RYR2: variants seen among roughly 807,000 people sequenced by gnomAD.
RYR2 encodes ryanodine receptor 2, also known as cardiac muscle ryanodine receptor-calcium release channel.
RYR2 carries 227 observed loss-of-function variants against 601.1 expected under a neutral mutation model. The ratio of observed to expected loss-of-function variants is 0.38; its 90% confidence interval spans 0.34 to 0.42. The LOEUF is 0.42. Ranked by LOEUF, RYR2 falls within the 10% of genes least tolerant of loss-of-function variation. The pLI, the probability that RYR2 is intolerant of heterozygous loss-of-function variation, is 1.00. For synonymous variants in RYR2, 2,223 were observed against 2,175.1 expected (o/e 1.02, Z -0.61); for missense variants, 4,646 against 6,156.5 (o/e 0.75, Z 8.21).
intron 3 of RYR2, among the ~76,000 whole-genome samples, chr1:237,350,350 C>T (rs554298152): frequency 6.6e-6 from 1 of 151,126 alleles, no homozygotes; most frequent in East Asian, 1.9e-4. Flanking sequence ...TGAGTGGATC[C>T]CTTGAGGTCA....
chr1:237,747,739 T>A (rs571270112), intron 80 of RYR2, among the ~76,000 whole-genome samples: 1 of 152,312 alleles, frequency 6.6e-6, no homozygotes, highest in African/African-American at 2.4e-5. Context: ...TTAAAAAGTC[T>A]TCCTGAATCT....
chr1:237,087,050 GAAAGCAATTC>G (rs1357981603), intron 1 of RYR2, among the ~76,000 whole-genome samples: 25 of 152,288 alleles, frequency 1.6e-4, no homozygotes, highest in African/African-American at 5.8e-4. Context: ...CTGACCTTGA[GAAAGCAATTC>G]TCAGCACGCG....
chr1:237,128,852 T>C (rs1671828884), intron 1 of RYR2, among the ~76,000 whole-genome samples: 1 of 152,126 alleles, frequency 6.6e-6, no homozygotes, highest in Admixed American at 6.6e-5. Flanking sequence ...GGATTCCGGA[T>C]ATATTTTGAA....
At chr1:237,444,213 G>A (rs1330669809) in intron 13 of RYR2, among the ~76,000 whole-genome samples, 2 of 151,954 alleles carry the variant, frequency 1.3e-5, no homozygotes, top group Admixed American at 6.6e-5. Context: ...ATCTTTTCTA[G>A]TACTTTATTT....
chr1:237,788,223 G>A, intron 92 of RYR2, 88 bp downstream of exon 92: 3 of 1,054,302 alleles, frequency 2.8e-6, no homozygotes, highest in Non-Finnish European at 4.1e-6. Flanking sequence ...ACCTCTCCCT[G>A]AGTGGCAGTT....
At chr1:237,463,057 T>C (rs1410077712) in intron 16 of RYR2, among the ~76,000 whole-genome samples, 2 of 152,190 alleles carry the variant, frequency 1.3e-5, no homozygotes, top group African/African-American at 4.8e-5. Context: ...TTCAGTACAT[T>C]CTGAAGTGTT....
At chr1:237,805,071 T>G (rs1039496401) in intron 98 of RYR2, among the ~76,000 whole-genome samples, 2 of 152,084 alleles carry the variant, frequency 1.3e-5, no homozygotes, top group African/African-American at 4.8e-5. Flanking sequence ...TAATAAAGGA[T>G]TATCTGAACC....
chr1:237,550,511 G>A (rs1018556670), intron 26 of RYR2, 33 bp from the exon 27 acceptor site: 29 of 1,599,602 alleles, frequency 1.8e-5, no homozygotes, highest in Non-Finnish European at 2.3e-5. Context: ...CCTTGGTATT[G>A]CTTTGACGGC....
chr1:237,272,061 C>A (rs970273705), intron 2 of RYR2, among the ~76,000 whole-genome samples: 1 of 151,952 alleles, frequency 6.6e-6, no homozygotes, highest in Non-Finnish European at 1.5e-5. Flanking sequence ...ACCCAGGAAG[C>A]GAAGATTGCA....
At chr1:237,136,693 A>C (rs1672817407) in intron 1 of RYR2, among the ~76,000 whole-genome samples, 1 of 152,152 alleles carries the variant, frequency 6.6e-6, no homozygotes, top group Admixed American at 6.5e-5. Flanking sequence ...TTCTTAGTAC[A>C]TCAACAGTTA....
rs1558375747 is a variant in RYR2 at position 237,178,463 on chromosome 1, TG to T, written c.49-92033del. Among the ~76,000 whole-genome samples the T allele has an allele frequency of 6.3e-3, 869 of 138,188 alleles. 8 individuals are homozygous for T. Among genetic ancestry groups the T allele is most frequent in the African/African-American group, 0.023 (826 of 35,954 alleles). The allele number at this position is 138,188 out of a possible 152,430, so 90.7% of individuals were successfully genotyped here. On this transcript the variant is annotated intron_variant, in intron 1 of 104. Coordinates refer to ENST00000366574, the MANE Select transcript of RYR2 (RefSeq NM_001035.3). ...GTGTGTGTGTGTGTGTGTGTGTGTG[TG>T]TGTGTTTAAAAGAGATCCCTCTGTC...
At chr1:237,593,057 C>T (rs1289624027) in intron 32 of RYR2, among the ~76,000 whole-genome samples, 1 of 150,050 alleles carries the variant, frequency 6.7e-6, no homozygotes, top group Non-Finnish European at 1.5e-5. Flanking sequence ...GATTTGCATA[C>T]ATGTATAAGC....
At chr1:237,224,570 C>T (rs978625178) in intron 1 of RYR2, among the ~76,000 whole-genome samples, 1 of 152,094 alleles carries the variant, frequency 6.6e-6, no homozygotes, top group African/African-American at 2.4e-5. Context: ...ATAATTATGA[C>T]TTACAGGCTG....
At position 237,723,154 on chromosome 1, in the gene RYR2, A is replaced by G. The variant is rs760635634; in HGVS notation, c.10581A>G (p.Gln3527=). ...GKLEDPAIRW[Q]MALYKDLPNR... is the part of the protein sequence containing the mutation. ...TGGAGGATCCTGCTATTAGATGGCA[A>G]ATGGCTCTTTACAAAGACTTACCAA... Residue 3527 remains glutamine, a synonymous_variant, in exon 74 of 105, where the codon CAA becomes CAG. Coordinates refer to ENST00000366574, the MANE Select transcript of RYR2 (RefSeq NM_001035.3). The G allele has an allele frequency of 5.6e-6, 9 of 1,611,054 alleles. No homozygotes were observed. The highest frequency in any genetic ancestry group is 2.2e-5 in the East Asian group (1 of 44,834).
chr1:237,708,994 G>T lies in RYR2; in HGVS notation c.10038G>T (p.Gly3346=). Residue 3346 remains glycine, a synonymous_variant, in exon 69 of 105, where the codon GGG becomes GGT. Coordinates refer to ENST00000366574, the MANE Select transcript of RYR2 (RefSeq NM_001035.3). ...ACCACCTGAAAGCTGAGGCCAGGGG[G>T]GACATGTCGGAGGCAGAACTCCTCA... ...EEDHLKAEAR[G]DMSEAELLIL... 1.2e-6 allele frequency: 2 copies of T among 1,613,618 alleles called. No homozygotes were observed. Among genetic ancestry groups the T allele is most frequent in the East Asian group, 2.2e-5 (1 of 44,864 alleles).
At chr1:237,166,001 A>T (rs1057310500) in intron 1 of RYR2, among the ~76,000 whole-genome samples, 89 of 152,110 alleles carry the variant, frequency 5.9e-4, no homozygotes, top group African/African-American at 2.1e-3. Flanking sequence ...GTCTCCAAAA[A>T]TTTTTTAAAA....
chr1:237,328,604 A>T lies in RYR2; in HGVS notation c.169-2274A>T, dbSNP rs75663273. ...AAGCCAGAGAAGGAAATTTTATTTA[A>T]AAAAAAAAAACAAAACAGAACAAAA... On this transcript the variant is annotated intron_variant, in intron 2 of 104. Transcript: ENST00000366574. Among the ~76,000 whole-genome samples the T allele has an allele frequency of 1.3e-3, 195 of 150,370 alleles. 3 individuals carry two copies. The highest frequency in any genetic ancestry group is 2.5e-3 in the South Asian group (12 of 4,756).
intron 100 of RYR2, among the ~76,000 whole-genome samples, chr1:237,812,731 G>T (rs1165438458): frequency 6.6e-6 from 1 of 151,948 alleles, no homozygotes; most frequent in Non-Finnish European, 1.5e-5. Flanking sequence ...CTTCTTCTCC[G>T]ATTAATTGCT....
chr1:237,609,996 A>G (rs951127428), intron 35 of RYR2, among the ~76,000 whole-genome samples: 3 of 152,124 alleles, frequency 2.0e-5, no homozygotes, highest in African/African-American at 7.2e-5. Context: ...AGTAGTCTAC[A>G]GCATGCAGTT....
Sources: allele counts gnomAD v4.1 joint callset (sites outside exome capture counted in the v4.1 genomes callset), GRCh38; gene constraint gnomAD v4.1.1; transcripts MANE v1.5; gene names NCBI Gene and HGNC (gene_info 2026-07-23, HGNC 2026-07-21).